The following RNF8 variants were observed in gnomAD, a reference collection of about 807,000 sequenced individuals.
RNF8 encodes the protein ring finger protein 8.
RNF8 carries 8 observed loss-of-function variants against 59.3 expected under a neutral mutation model. That is an observed-to-expected ratio of 0.13 (90% CI 0.08 to 0.24). The LOEUF (loss-of-function observed/expected upper bound fraction) is 0.24, where lower values mean the gene tolerates loss of function less well. Among genes scored for constraint, RNF8 ranks in the 10% least tolerant of loss-of-function variants. RNF8 has a pLI of 1.00. For synonymous variants in RNF8, 162 were observed against 200.0 expected, an observed-to-expected ratio of 0.81 and a Z score of 1.60; for missense variants, 406 against 572.6, an observed-to-expected ratio of 0.71 and a Z score of 2.97.
In RNF8 at chr6:37,374,561, G is replaced by C. The variant is rs1345370742; in HGVS notation, c.1039-59G>C. 12 of 1,297,812 alleles carry C rather than the reference G, an allele frequency of 9.2e-6. No individual in the cohort carries two copies. In the East Asian group the frequency reaches 2.8e-4, roughly 30 times the overall value. The allele number at this position is 1,297,812 out of a possible 1,614,324, so 80.4% of individuals were successfully genotyped here. ...GAGGGAGAGAACAGGCATGTTTGTG[G>C]CTAAAAGGAAGGATGCATTGTAGTT... On this transcript the variant is annotated intron_variant, in intron 4 of 7. Transcript: ENST00000373479.
intron 4 of RNF8, 69 bp from the exon 5 acceptor site, chr6:37,374,551 C>T: frequency 8.7e-7 from 1 of 1,144,688 alleles, no homozygotes; most frequent in Non-Finnish European, 1.3e-6. Flanking sequence ...AGAGAACAGG[C>T]ATGTTTGTGG....
chr6:37,377,999 C>T (rs1458813278), intron 6 of RNF8, among the ~76,000 whole-genome samples: 1 of 152,114 alleles, frequency 6.6e-6, no homozygotes, highest in Non-Finnish European at 1.5e-5. Context: ...TATTCAGACT[C>T]CTTTAAAAAG....
At chr6:37,354,339 G>A in intron 1 of RNF8, 64 bp downstream of exon 1, 1 of 1,300,740 alleles carries the variant, frequency 7.7e-7, no homozygotes, top group Non-Finnish European at 1.0e-6. Flanking sequence ...CTCCGGGGAG[G>A]GAGGAAGGTG....
chr6:37,357,888 G>A (rs1039142757), intron 1 of RNF8, among the ~76,000 whole-genome samples: 1 of 152,198 alleles, frequency 6.6e-6, no homozygotes, highest in Non-Finnish European at 1.5e-5. Context: ...AAACACAGTG[G>A]TAAACAAGAC....
Position 37,369,222 on chromosome 6 carries a change from C to G in RNF8, c.975+4C>G, listed in dbSNP as rs759908899. On this transcript the variant is annotated splice_donor_region_variant and intron_variant, in intron 3 of 7. Coordinates refer to ENST00000373479, the MANE Select transcript of RNF8 (RefSeq NM_003958.4). The stretch of plus-strand genomic sequence containing the variant: ...GGAAGAGGAACAGCATCTTCAGGTA[C>G]CACACAGAAGGGAAGGGCAAGAGTG... 2.5e-6 allele frequency: 4 copies of G among 1,603,544 alleles called. No homozygotes were observed. The South Asian group carries it at 4.5e-5, about 18-fold the overall frequency.
intron 3 of RNF8, chr6:37,369,914 A>G (rs1230797578): frequency 6.6e-6 from 1 of 152,268 alleles, no homozygotes; most frequent in East Asian, 1.9e-4. Flanking sequence ...AGGTAAGACC[A>G]AATGTATTTC....
In RNF8 at chr6:37,389,024, A is replaced by G. The variant is rs186982129; in HGVS notation, c.1442-1718A>G. Among the ~76,000 whole-genome samples the G allele has an allele frequency of 3.0e-4, 46 of 151,900 alleles. No individual in the cohort carries two copies. The East Asian group carries it at 6.6e-3, about 22-fold the overall frequency. ...TAGATCCCCCTCATTACATTGCCCTATATTTCTTTGAAAGCATTTACCAGA... is the reference window on the plus strand; with the variant it reads ...TAGATCCCCCTCATTACATTGCCCTGTATTTCTTTGAAAGCATTTACCAGA... On this transcript the variant is annotated intron_variant, in intron 7 of 7. Coordinates refer to ENST00000373479, the MANE Select transcript of RNF8 (RefSeq NM_003958.4).
chr6:37,374,872 C>G (rs1198598929), intron 5 of RNF8, among the ~76,000 whole-genome samples, 163 bp downstream of exon 5: 1 of 152,174 alleles, frequency 6.6e-6, no homozygotes, highest in Non-Finnish European at 1.5e-5. Context: ...CAGGTTCTGC[C>G]TGTCAGACAA....
chr6:37,372,720 G>A (rs559381013), intron 4 of RNF8, among the ~76,000 whole-genome samples: 31 of 152,198 alleles, frequency 2.0e-4, no homozygotes, highest in Non-Finnish European at 3.8e-4. Context: ...CTGTAATCCC[G>A]GCACTTTGGG....
chr6:37,363,288 TTTTAA>T (rs1262160253), intron 2 of RNF8, among the ~76,000 whole-genome samples: 1 of 152,206 alleles, frequency 6.6e-6, no homozygotes, highest in Non-Finnish European at 1.5e-5. Flanking sequence ...CTGGGGCACT[TTTTAA>T]AAATACTGAT....
At chr6:37,359,402 C>T (rs769827635) in intron 1 of RNF8, 4 of 259,190 alleles carry the variant, frequency 1.5e-5, no homozygotes, top group African/African-American at 9.0e-5. Flanking sequence ...TTGCCTTTGG[C>T]TGCATCCCAT....
At position 37,390,996 on chromosome 6, in the gene RNF8, T is replaced by C. The variant is rs1488595299; in HGVS notation, c.*238T>C. 1.6e-6 allele frequency: 1 copy of C among 621,794 alleles called. No homozygotes were observed. The highest frequency in any genetic ancestry group is 2.9e-6 in the Non-Finnish European group (1 of 348,264). 38.5% of individuals were successfully genotyped at this position (621,794 alleles called of 1,614,324 possible). A position where few individuals can be genotyped will look rare whatever the true frequency, so the allele number is the denominator to read the frequency against. On this transcript the variant is annotated 3_prime_UTR_variant, in exon 8 of 8. Coordinates refer to ENST00000373479, the MANE Select transcript of RNF8 (RefSeq NM_003958.4). ...CACCCAACTGCTTCAGGGTACTTCG[T>C]AGACTCTGCCTCACTACATGTCGAA...
At chr6:37,355,034 A>G (rs942105618) in intron 1 of RNF8, among the ~76,000 whole-genome samples, 4 of 152,142 alleles carry the variant, frequency 2.6e-5, no homozygotes, top group Admixed American at 2.6e-4. Flanking sequence ...GCAGGTATTC[A>G]GAGTTCTCTC....
chr6:37,384,997 A>T (rs1770431692), intron 7 of RNF8, among the ~76,000 whole-genome samples: 2 of 151,900 alleles, frequency 1.3e-5, no homozygotes. Flanking sequence ...CTCAGATAGT[A>T]TATAACACTG....
rs200150603 is a variant in RNF8, at chr6:37,385,018, AT to A, written c.1441+3676del. ...TAGTATATAACACTGTATTCTTAAGATTTTTTTTTTTTGAGATGGCGTTTCG... is the reference window on the plus strand; with the variant it reads ...TAGTATATAACACTGTATTCTTAAGATTTTTTTTTTTGAGATGGCGTTTCG... On this transcript the variant is annotated intron_variant, in intron 7 of 7. Transcript: ENST00000373479. 2.2e-3 allele frequency among the ~76,000 whole-genome samples: 315 copies of A among 146,386 alleles called. 2 individuals carry two copies. The highest frequency in any genetic ancestry group is 5.7e-3 in the African/African-American group (229 of 40,214).
chr6:37,356,780 C>T, intron 1 of RNF8, among the ~76,000 whole-genome samples: 1 of 152,096 alleles, frequency 6.6e-6, no homozygotes, highest in East Asian at 1.9e-4. Flanking sequence ...ACAGAGTACT[C>T]CTTCTGTCAC....
intron 3 of RNF8, among the ~76,000 whole-genome samples, chr6:37,370,701 C>CTTT (rs5875582): frequency 1.4e-5 from 2 of 142,266 alleles, no homozygotes; most frequent in African/African-American, 5.2e-5. Flanking sequence ...CTCCTTCACA[C>CTTT]TTTTTTTTTT....
At chr6:37,355,491 G>A (rs759854940) in intron 1 of RNF8, among the ~76,000 whole-genome samples, 14 of 152,028 alleles carry the variant, frequency 9.2e-5, no homozygotes, top group Admixed American at 7.2e-4. Flanking sequence ...TGGGGAGAGA[G>A]GATTTATACA....
intron 7 of RNF8, among the ~76,000 whole-genome samples, chr6:37,385,930 GCTCAGGTAATC>G: frequency 6.6e-6 from 1 of 151,276 alleles, no homozygotes; most frequent in South Asian, 2.1e-4. Flanking sequence ...GGCCTTCTGG[GCTCAGGTAATC>G]CTCTTACCTC....
Sources: gnomAD v4.1 joint callset for allele counts (sites outside exome capture counted in the v4.1 genomes callset) on GRCh38, gnomAD v4.1.1 for gene constraint, MANE v1.5 for transcripts, NCBI Gene and HGNC (gene_info 2026-07-23, HGNC 2026-07-21) for gene names.